Variants in ADAM28 observed in about 807,000 individuals in gnomAD.
ADAM28 encodes ADAM metallopeptidase domain 28, also known as disintegrin and metalloproteinase domain-containing protein 28.
In ADAM28, 105 loss-of-function variants were observed where a neutral mutation model predicts 101.2. That is an observed-to-expected ratio of 1.04 (90% CI 0.89 to 1.22). The LOEUF (loss-of-function observed/expected upper bound fraction) is 1.22, where lower values mean the gene tolerates loss of function less well. ADAM28 is among the 50% of genes most tolerant of loss of function. The pLI is 0.00. For synonymous variants in ADAM28, 322 were observed against 310.6 expected (o/e 1.04, Z -0.39); for missense variants, 1,028 against 945.4 (o/e 1.09, Z -1.15).
rs186645995 is a variant in ADAM28, at chr8:24,330,203, C to T, written c.1103+88C>T. On this transcript the variant is annotated intron_variant, in intron 11 of 22. Transcript: ENST00000265769. ...TACTACTTTAGGTCATCTTCAACAA[C>T]GTGTTCGAGTTTTTGAGTCACTAAA... 4.3e-4 allele frequency: 620 copies of T among 1,451,026 alleles called. 3 individuals carry two copies. In the African/African-American group the frequency reaches 7.0e-3, roughly 16 times the overall value. The allele number at this position is 1,451,026 out of a possible 1,614,324, so 89.9% of individuals were successfully genotyped here.
At chr8:24,323,030 T>C (rs1220669509) in intron 8 of ADAM28, among the ~76,000 whole-genome samples, 3 of 151,962 alleles carry the variant, frequency 2.0e-5, no homozygotes, top group Non-Finnish European at 4.4e-5. Flanking sequence ...AAATACATAA[T>C]ATGGGTGGCT....
chr8:24,324,347 T>C (rs1585622824), intron 9 of ADAM28, among the ~76,000 whole-genome samples: 1 of 151,934 alleles, frequency 6.6e-6, no homozygotes, highest in Admixed American at 6.6e-5. Context: ...ATTAGAAAAA[T>C]TAAGTATTAT....
intron 17 of ADAM28, 56 bp downstream of exon 17, chr8:24,343,237 C>T (rs1815001966): frequency 6.4e-7 from 1 of 1,569,716 alleles, no homozygotes; most frequent in African/African-American, 1.4e-5. Flanking sequence ...CATTCTAGGT[C>T]AGTCATAAGA....
At chr8:24,317,560 A>G (rs1222937458) in intron 6 of ADAM28, among the ~76,000 whole-genome samples, 1 of 152,110 alleles carries the variant, frequency 6.6e-6, no homozygotes, top group Non-Finnish European at 1.5e-5. Flanking sequence ...CCTAAATGTA[A>G]TACCTAAAAC....
chr8:24,331,090 T>A (rs1184869653), intron 11 of ADAM28, 60 bp from the exon 12 acceptor site: 1 of 1,488,310 alleles, frequency 6.7e-7, no homozygotes, highest in Admixed American at 2.1e-5. Flanking sequence ...TAATGTCAGA[T>A]ACTGCTTCGC....
Position 24,352,068 on chromosome 8 carries a change from C to T in ADAM28, c.2244+16C>T. ...AGCCTCTTTTGTGAGTTAGCAACTTCTCTTAAATACCACCCTAGTTCAATC... is the reference window on the plus strand; with the variant it reads ...AGCCTCTTTTGTGAGTTAGCAACTTTTCTTAAATACCACCCTAGTTCAATC... On this transcript the variant is annotated intron_variant, in intron 21 of 22. Transcript: ENST00000265769. 2 of 1,610,344 alleles carry T rather than the reference C, an allele frequency of 1.2e-6. No individual in the cohort carries two copies. Among genetic ancestry groups the T allele is most frequent in the East Asian group, 4.5e-5 (2 of 44,828 alleles).
chr8:24,340,345 C>T (rs1186175488), intron 15 of ADAM28, among the ~76,000 whole-genome samples: 1 of 152,084 alleles, frequency 6.6e-6, no homozygotes, highest in Non-Finnish European at 1.5e-5. Flanking sequence ...ATAGGGTTAT[C>T]TCTTGGGAGA....
rs138261281 is a variant in ADAM28 at position 24,339,368 on chromosome 8, G to A, written c.1568-98G>A. On this transcript the variant is annotated intron_variant, in intron 14 of 22. Coordinates refer to ENST00000265769, the MANE Select transcript of ADAM28 (RefSeq NM_014265.6). ...TTGCTTGTTTTATATTTTATAAATC[G>A]CTTTCCAGCACTGAATCTTTAAAAT... 1,621 of 854,014 alleles carry A rather than the reference G, an allele frequency of 1.9e-3. 18 individuals carry two copies. The African/African-American group carries it at 0.022, about 12-fold the overall frequency. The allele number at this position is 854,014 out of a possible 1,614,324, so 52.9% of individuals were successfully genotyped here. A position where few individuals can be genotyped will look rare whatever the true frequency, so the allele number is the denominator to read the frequency against.
chr8:24,317,409 G>C (rs74381157), intron 6 of ADAM28, among the ~76,000 whole-genome samples: 7,285 of 151,834 alleles, frequency 0.048, 249 homozygotes, highest in East Asian at 0.093. Context: ...TTTTTGACAA[G>C]GGCACCAAAA....
intron 21 of ADAM28, 145 bp downstream of exon 21, chr8:24,352,197 CA>C: frequency 5.1e-6 from 4 of 791,952 alleles, no homozygotes. Context: ...AATTCTTCTG[CA>C]AAATATTTTG....
At chr8:24,325,897 A>AAACAAAAAAAAAAAAAAAAAC (rs1812544276) in intron 9 of ADAM28, among the ~76,000 whole-genome samples, 1 of 147,854 alleles carries the variant, frequency 6.8e-6, no homozygotes. Context: ...AAAAAAAAAA[A>AAACAAAAAAAAAAAAAAAAAC]AAACCAAAAA....
intron 10 of ADAM28, 121 bp from the exon 11 acceptor site, chr8:24,329,863 GT>G: frequency 1.1e-6 from 1 of 899,218 alleles, no homozygotes; most frequent in Non-Finnish European, 1.7e-6. Context: ...GTGTGTGTGT[GT>G]GTGTTTGTGT....
intron 18 of ADAM28, among the ~76,000 whole-genome samples, 193 bp from the exon 19 acceptor site, chr8:24,349,671 T>A (rs1815834799): frequency 6.6e-6 from 1 of 152,200 alleles, no homozygotes; most frequent in Admixed American, 6.5e-5. Flanking sequence ...ATAGATTTCA[T>A]GTGTATTTAT....
chr8:24,294,259 A>G (rs1030767043), intron 1 of ADAM28, 64 bp downstream of exon 1: 16 of 1,540,132 alleles, frequency 1.0e-5, no homozygotes, highest in East Asian at 2.2e-5. Flanking sequence ...TAGTCTCCTA[A>G]TAGTTTTATT....
intron 9 of ADAM28, among the ~76,000 whole-genome samples, chr8:24,324,207 A>T (rs1812253964): frequency 6.6e-6 from 1 of 151,924 alleles, no homozygotes; most frequent in Non-Finnish European, 1.5e-5. Context: ...AATTTATAAA[A>T]TGTTTGTTTT....
intron 1 of ADAM28, 103 bp downstream of exon 1, chr8:24,294,298 T>C (rs1807672955): frequency 1.4e-6 from 2 of 1,380,974 alleles, no homozygotes; most frequent in Middle Eastern, 1.9e-4. Flanking sequence ...TTTTTCTTTT[T>C]CTTTTTTCTC....
At chr8:24,297,966 G>C (rs1474182165) in intron 1 of ADAM28, among the ~76,000 whole-genome samples, 1 of 152,146 alleles carries the variant, frequency 6.6e-6, no homozygotes, top group African/African-American at 2.4e-5. Context: ...AGCAAGAAAT[G>C]AGGAACTGAA....
chr8:24,352,542 CTCACGACCTCATTA>C (rs1470486577), intron 21 of ADAM28, among the ~76,000 whole-genome samples: 1 of 152,146 alleles, frequency 6.6e-6, no homozygotes, highest in Non-Finnish European at 1.5e-5. Context: ...GAGCTGCACC[CTCACGACCTCATTA>C]TTTCCAAAAG....
chr8:24,354,444 TTGGAAAAC>T lies in ADAM28; in HGVS notation c.*48_*55del. ...AAGAACTAATGGCTAAATTATCAACTTGGAAAACTGGAAAATCTGGATGGCAGAGAAAT... is the reference window on the plus strand; with the variant it reads ...AAGAACTAATGGCTAAATTATCAACTTGGAAAATCTGGATGGCAGAGAAAT... On this transcript the variant is annotated 3_prime_UTR_variant, in exon 23 of 23. Coordinates refer to ENST00000265769, the MANE Select transcript of ADAM28 (RefSeq NM_014265.6). 1 of 1,593,288 alleles carries T rather than the reference TTGGAAAAC, an allele frequency of 6.3e-7. No homozygotes were observed. The highest frequency in any genetic ancestry group is 8.5e-7 in the Non-Finnish European group (1 of 1,170,048).
Sources: gnomAD v4.1 joint callset for allele counts (sites outside exome capture counted in the v4.1 genomes callset) on GRCh38, gnomAD v4.1.1 for gene constraint, MANE v1.5 for transcripts, NCBI Gene and HGNC (gene_info 2026-07-23, HGNC 2026-07-21) for gene names.